Variants in IMMP2L observed in about 807,000 individuals in gnomAD.
IMMP2L encodes the protein inner mitochondrial membrane peptidase subunit 2.
Under a neutral mutation model 19.3 loss-of-function variants are expected in IMMP2L, and 18 were observed. The ratio of observed to expected loss-of-function variants is 0.93; its 90% confidence interval spans 0.64 to 1.38. The LOEUF is 1.38. Among genes scored for constraint, IMMP2L ranks in the 40% most tolerant of loss-of-function variants. IMMP2L has a pLI of 0.00. For missense variants in IMMP2L, 233 were observed against 218.2 expected, an observed-to-expected ratio of 1.07 and a Z score of -0.43; for synonymous variants, 76 against 73.0, an observed-to-expected ratio of 1.04 and a Z score of -0.21.
intron 1 of IMMP2L, among the ~76,000 whole-genome samples, chr7:111,556,976 C>T (rs905227460): frequency 6.6e-6 from 1 of 152,086 alleles, no homozygotes; most frequent in Non-Finnish European, 1.5e-5. Flanking sequence ...CTCCCTCATA[C>T]CTTCTTCCTC....
intron 3 of IMMP2L, among the ~76,000 whole-genome samples, chr7:110,984,267 G>A (rs1000471018): frequency 6.6e-6 from 1 of 151,084 alleles, no homozygotes; most frequent in Admixed American, 6.6e-5. Flanking sequence ...GCTTAAGCTA[G>A]TTGAGTGGTA....
chr7:111,313,986 T>A (rs890227237), intron 3 of IMMP2L, among the ~76,000 whole-genome samples: 2 of 151,756 alleles, frequency 1.3e-5, no homozygotes, highest in African/African-American at 4.8e-5. Flanking sequence ...TGCCCTCCAC[T>A]CTCTGTCTAG....
intron 3 of IMMP2L, among the ~76,000 whole-genome samples, chr7:111,239,075 G>A (rs959109511): frequency 1.3e-5 from 2 of 151,860 alleles, no homozygotes; most frequent in South Asian, 4.1e-4. Flanking sequence ...ACTCTGAATA[G>A]GACATTGTTT....
At chr7:111,158,979 T>A (rs924290447) in intron 3 of IMMP2L, among the ~76,000 whole-genome samples, 1 of 152,174 alleles carries the variant, frequency 6.6e-6, no homozygotes, top group Non-Finnish European at 1.5e-5. Flanking sequence ...TCCACATACT[T>A]ATTCCACCAA....
intron 4 of IMMP2L, among the ~76,000 whole-genome samples, chr7:110,939,398 A>T (rs1816480361): frequency 6.6e-6 from 1 of 152,140 alleles, no homozygotes; most frequent in Non-Finnish European, 1.5e-5. Context: ...CAAAAAAAAA[A>T]AAAAAAATCA....
intron 3 of IMMP2L, among the ~76,000 whole-genome samples, chr7:111,112,647 G>A (rs1799377755): frequency 6.6e-6 from 1 of 152,136 alleles, no homozygotes; most frequent in African/African-American, 2.4e-5. Flanking sequence ...GTTGTTTAAA[G>A]CAGATTGTCA....
intron 5 of IMMP2L, among the ~76,000 whole-genome samples, chr7:110,882,807 GA>G (rs1221086076): frequency 1.3e-5 from 2 of 150,782 alleles, no homozygotes; most frequent in Non-Finnish European, 2.9e-5. Flanking sequence ...TTATATAGGG[GA>G]AAAAATCAAA....
At chr7:110,676,625 C>T (rs1025006608) in intron 5 of IMMP2L, among the ~76,000 whole-genome samples, 11 of 152,174 alleles carry the variant, frequency 7.2e-5, no homozygotes, top group Admixed American at 2.6e-4. Flanking sequence ...CAAGGAAATT[C>T]CTTAACCTAC....
At chr7:111,489,737 C>G (rs781556607) in intron 2 of IMMP2L, among the ~76,000 whole-genome samples, 7 of 152,144 alleles carry the variant, frequency 4.6e-5, no homozygotes, top group Non-Finnish European at 1.0e-4. Flanking sequence ...ACCTCAAACA[C>G]TTTCAGAACT....
intron 5 of IMMP2L, among the ~76,000 whole-genome samples, chr7:110,668,529 G>A (rs1011267030): frequency 6.6e-6 from 1 of 152,112 alleles, no homozygotes; most frequent in African/African-American, 2.4e-5. Flanking sequence ...CTGAACTCTT[G>A]CCAATATATC....
chr7:111,269,547 G>A (rs539147325), intron 3 of IMMP2L, among the ~76,000 whole-genome samples: 1 of 151,964 alleles, frequency 6.6e-6, no homozygotes, highest in African/African-American at 2.4e-5. Flanking sequence ...CATATTCACT[G>A]ACAAGTATTA....
At position 111,363,503 on chromosome 7, in the gene IMMP2L, A is replaced by G. The variant is rs140134371; in HGVS notation, c.239+123735T>C. ...TAACCCTCATGTTTCCATTTTTGTC[A>G]ATCTTACTAGCACCAGCCAGTGTAT... On this transcript the variant is annotated intron_variant, in intron 3 of 5. Transcript: ENST00000405709. 3.5e-4 allele frequency among the ~76,000 whole-genome samples: 53 copies of G among 152,204 alleles called. No homozygotes were observed. The South Asian group carries it at 3.7e-3, about 11-fold the overall frequency.
At chr7:110,962,828 T>C in intron 4 of IMMP2L, 1 of 1,231,902 alleles carries the variant, frequency 8.1e-7, no homozygotes, top group East Asian at 3.2e-5. Flanking sequence ...AATGTAGTAG[T>C]CAAAGCATTT....
At chr7:110,678,392 T>C (rs1208234951) in intron 5 of IMMP2L, among the ~76,000 whole-genome samples, 10 of 152,274 alleles carry the variant, frequency 6.6e-5, no homozygotes. Flanking sequence ...AAAGTCTGAA[T>C]TGTGTACTAT....
chr7:110,839,020 G>A (rs370572869), intron 5 of IMMP2L, among the ~76,000 whole-genome samples: 16 of 151,968 alleles, frequency 1.1e-4, no homozygotes, highest in South Asian at 1.0e-3. Flanking sequence ...TAATATCACC[G>A]CATTCTCCAG....
At chr7:111,101,307 C>CCTAGTCA (rs1797949779) in intron 3 of IMMP2L, among the ~76,000 whole-genome samples, 2 of 151,430 alleles carry the variant, frequency 1.3e-5, no homozygotes, top group East Asian at 3.9e-4. Context: ...TGAACAGAAC[C>CCTAGTCA]TTGGCATACT....
In IMMP2L at chr7:111,096,517, A is replaced by AC. The variant is rs1554515039; in HGVS notation, c.240-132953_240-132952insG. On this transcript the variant is annotated intron_variant, in intron 3 of 5. Transcript: ENST00000405709. ...ATGCCTGAGTTAAATTTAAAAAAAA[A>AC]AAAACAAAACAAAACCCACAACCAA... Among the ~76,000 whole-genome samples, 74 of 151,162 alleles carry AC rather than the reference A, an allele frequency of 4.9e-4. No individual in the cohort carries two copies. The Middle Eastern group carries it at 0.01, about 21-fold the overall frequency.
At chr7:111,441,860 C>T (rs900430365) in intron 3 of IMMP2L, among the ~76,000 whole-genome samples, 17 of 151,134 alleles carry the variant, frequency 1.1e-4, no homozygotes, top group African/African-American at 3.9e-4. Flanking sequence ...GCAAGTAGTC[C>T]GGGCACTGTG....
intron 5 of IMMP2L, among the ~76,000 whole-genome samples, chr7:110,721,940 T>C (rs1260204374): frequency 1.3e-5 from 2 of 151,972 alleles, no homozygotes; most frequent in Admixed American, 6.6e-5. Flanking sequence ...TAAGACAGAA[T>C]TGAAGTGCTG....
Sources: gnomAD v4.1 joint callset for allele counts (sites outside exome capture counted in the v4.1 genomes callset) on GRCh38, gnomAD v4.1.1 for gene constraint, MANE v1.5 for transcripts, NCBI Gene and HGNC (gene_info 2026-07-23, HGNC 2026-07-21) for gene names.